KPNA6: variants seen among roughly 807,000 people sequenced by gnomAD.
KPNA6 encodes karyopherin subunit alpha 6.
A neutral mutation model predicts 72.0 loss-of-function variants in KPNA6; 9 were observed. The ratio of observed to expected loss-of-function variants is 0.13; its 90% CI spans 0.08 to 0.22. The LOEUF (loss-of-function observed/expected upper bound fraction) is 0.22, where lower values mean the gene tolerates loss of function less well. KPNA6 is among the 10% of genes least tolerant of loss of function. The pLI is 1.00. For synonymous variants in KPNA6, 219 were observed against 242.1 expected (o/e 0.90, Z 0.89); for missense variants, 374 against 655.7 (o/e 0.57, Z 4.69).
rs60616241 is a variant in KPNA6 at position 32,173,173 on chromosome 1, TAAA to T, written c.*2298_*2300del. 6,480 of 311,910 alleles carry T rather than the reference TAAA, an allele frequency of 0.021. No homozygotes were observed. The highest frequency in any genetic ancestry group is 0.025 in the Middle Eastern group (33 of 1,310). The allele number at this position is 311,910 out of a possible 1,614,324, so 19.3% of individuals were successfully genotyped here. ...ATTAAAAAACCATTCTCTTACAGTT[TAAA>T]AAAAAAAAAAAAAAAAAAGCCTTCC... is the stretch of plus-strand genomic sequence containing the variant. On this transcript the variant is annotated 3_prime_UTR_variant, in exon 14 of 14. Transcript: ENST00000373625.
At chr1:32,148,325 A>G (rs1037379817) in intron 1 of KPNA6, among the ~76,000 whole-genome samples, 2 of 151,594 alleles carry the variant, frequency 1.3e-5, no homozygotes, top group Admixed American at 6.6e-5. Flanking sequence ...TTTTTTTAGT[A>G]TAGACACAGG....
At position 32,170,951 on chromosome 1, in the gene KPNA6, G is replaced by T; in HGVS notation, c.*57G>T. ...AGCACCACCAGCCAGCGGAAGAGCA[G>T]CCCTCTGGTGGGCGGGAAACCAGTG... On this transcript the variant is annotated 3_prime_UTR_variant, in exon 14 of 14. Coordinates refer to ENST00000373625, the MANE Select transcript of KPNA6 (RefSeq NM_012316.5). 6.6e-7 allele frequency: 1 copy of T among 1,510,964 alleles called. No individual in the cohort carries two copies. Among genetic ancestry groups the T allele is most frequent in the Non-Finnish European group, 9.2e-7 (1 of 1,090,924 alleles). 93.6% of individuals were successfully genotyped at this position (1,510,964 alleles called of 1,614,324 possible).
At position 32,131,655 on chromosome 1, in the gene KPNA6, T is replaced by C. The variant is rs540211679; in HGVS notation, c.5-22933T>C. On this transcript the variant is annotated intron_variant, in intron 1 of 13. Coordinates refer to ENST00000373625, the MANE Select transcript of KPNA6 (RefSeq NM_012316.5). ...ACATATATGTATGTGTATATATATATACACACACAACAAAGGAGTTGTGTG... is the reference window on the plus strand; with the variant it reads ...ACATATATGTATGTGTATATATATACACACACACAACAAAGGAGTTGTGTG... 2.6e-4 allele frequency among the ~76,000 whole-genome samples: 39 copies of C among 151,398 alleles called. No individual in the cohort carries two copies. The East Asian group carries it at 4.3e-3, about 17-fold the overall frequency.
chr1:32,165,931 G>C (rs1407755618), intron 10 of KPNA6, among the ~76,000 whole-genome samples, 174 bp from the exon 11 acceptor site: 1 of 151,216 alleles, frequency 6.6e-6, no homozygotes, highest in African/African-American at 2.4e-5. Context: ...CTGGGAGGCG[G>C]AGGTTGCAGT....
Position 32,170,782 on chromosome 1 carries a change from A to G in KPNA6, c.1499A>G (p.His500Arg). The change falls in exon 14 of 14, where the codon CAC (histidine) becomes CGC (arginine). Residue 500 changes from histidine (H) to arginine (R), a missense_variant. This residue lies in a region of KPNA6 where 42 missense variants were observed against 49.8 expected (regional missense o/e 0.84). Transcript: ENST00000373625. Reference sequence around the variant, plus strand: ...CAGAAGGCCTTCGACCTCATTGAGCACTACTTTGGTGTAGAAGACGATGAT... The same window carrying G: ...CAGAAGGCCTTCGACCTCATTGAGCGCTACTTTGGTGTAGAAGACGATGAT... The part of the protein sequence containing the change: ...IYQKAFDLIE[H>R]YFGVEDDDSS... The G allele has an allele frequency of 4.3e-6, 7 of 1,614,194 alleles. No individual in the cohort carries two copies. Among genetic ancestry groups the G allele is most frequent in the Non-Finnish European group, 5.9e-6 (7 of 1,180,018 alleles).
intron 1 of KPNA6, among the ~76,000 whole-genome samples, chr1:32,128,363 A>G (rs1469241693): frequency 2.2e-5 from 3 of 137,454 alleles, no homozygotes; most frequent in African/African-American, 7.8e-5. Context: ...AGGAATATAT[A>G]TATTTTTTAT....
intron 1 of KPNA6, among the ~76,000 whole-genome samples, chr1:32,127,883 C>G (rs1278555969): frequency 2.0e-5 from 3 of 152,082 alleles, no homozygotes; most frequent in Non-Finnish European, 4.4e-5. Context: ...AGCTGTGAGT[C>G]TAAACTAAGT....
intron 1 of KPNA6, among the ~76,000 whole-genome samples, chr1:32,152,093 G>C (rs1456221794): frequency 6.6e-6 from 1 of 152,198 alleles, no homozygotes; most frequent in African/African-American, 2.4e-5. Flanking sequence ...ACTTTGGGAG[G>C]CTGAGGCAGG....
At chr1:32,135,089 CAG>C (rs1641710082) in intron 1 of KPNA6, among the ~76,000 whole-genome samples, 2 of 150,888 alleles carry the variant, frequency 1.3e-5, no homozygotes, top group South Asian at 2.1e-4. Context: ...TATTTACAGA[CAG>C]AGTTTCACTC....
chr1:32,152,457 T>C (rs1310037590), intron 1 of KPNA6, among the ~76,000 whole-genome samples: 1 of 152,198 alleles, frequency 6.6e-6, no homozygotes, highest in Admixed American at 6.5e-5. Context: ...CTTATGTAAA[T>C]TGAATAAATC....
rs1035849258 is a variant in KPNA6 at position 32,108,070 on chromosome 1, A to C, written c.-61A>C. ...ACAGATCCGCCATATTGTCTACTGA[A>C]AGCTGCCGCTGAAGCTGCCGCCGTT... On this transcript the variant is annotated 5_prime_UTR_variant, in exon 1 of 14. Coordinates refer to ENST00000373625, the MANE Select transcript of KPNA6 (RefSeq NM_012316.5). 31 of 1,613,220 alleles carry C rather than the reference A, an allele frequency of 1.9e-5. No individual in the cohort carries two copies. The highest frequency in any genetic ancestry group is 2.5e-5 in the Non-Finnish European group (30 of 1,179,542).
chr1:32,114,663 C>T (rs952653215), intron 1 of KPNA6, among the ~76,000 whole-genome samples: 1 of 152,198 alleles, frequency 6.6e-6, no homozygotes, highest in South Asian at 2.1e-4. Context: ...TCATTTGAAG[C>T]TTTGAAGCCA....
Position 32,166,121 on chromosome 1 carries a change from C to T in KPNA6, c.1007C>T (p.Ser336Leu). The T allele has an allele frequency of 6.2e-7, 1 of 1,613,594 alleles. No individual in the cohort carries two copies. Among genetic ancestry groups the T allele is most frequent in the Non-Finnish European group, 8.5e-7 (1 of 1,179,854 alleles). Reference protein sequence around the residue: ...DIQTQVILNCSALPCLLHLLS... With the variant: ...DIQTQVILNCLALPCLLHLLS... ...GTGTTCTAGGTCATTCTTAACTGTT[C>T]AGCCCTACCTTGCCTTCTCCACTTG... Residue 336 changes from serine (S) to leucine (L), a missense_variant, in exon 11 of 14, where the codon TCA (serine) becomes TTA (leucine). Transcript: ENST00000373625.
chr1:32,164,853 TTTATC>T (rs1167296064), intron 10 of KPNA6, among the ~76,000 whole-genome samples: 8 of 152,162 alleles, frequency 5.3e-5, no homozygotes, highest in Non-Finnish European at 1.2e-4. Flanking sequence ...GTTCTGTGGT[TTTATC>T]TTTTAACTTT....
chr1:32,110,279 G>A (rs1641223271), intron 1 of KPNA6, among the ~76,000 whole-genome samples: 1 of 151,752 alleles, frequency 6.6e-6, no homozygotes, highest in Non-Finnish European at 1.5e-5. Flanking sequence ...TGGCCAAGCT[G>A]GTCTCGAACT....
intron 7 of KPNA6, among the ~76,000 whole-genome samples, chr1:32,161,570 G>A (rs1449057949): frequency 6.6e-6 from 1 of 152,204 alleles, no homozygotes; most frequent in African/African-American, 2.4e-5. Context: ...AGCTCTCACA[G>A]TAGACCTATA....
chr1:32,158,466 C>T, intron 5 of KPNA6, 105 bp downstream of exon 5: 1 of 651,186 alleles, frequency 1.5e-6, no homozygotes, highest in South Asian at 2.0e-5. Context: ...CACAGGCATG[C>T]AATTTGAAAT....
At position 32,172,124 on chromosome 1, in the gene KPNA6, T is replaced by G. The variant is rs1253575019; in HGVS notation, c.*1230T>G. On this transcript the variant is annotated 3_prime_UTR_variant, in exon 14 of 14. Coordinates refer to ENST00000373625, the MANE Select transcript of KPNA6 (RefSeq NM_012316.5). ...CTCAAGAGGAAGAACTGTCTGTCAT[T>G]TCGGTAAGTAGGATACTGTGAGGAA... The G allele has an allele frequency of 2.0e-5, 3 of 152,112 alleles. No homozygotes were observed. The highest frequency in any genetic ancestry group is 4.4e-5 in the Non-Finnish European group (3 of 68,034). The allele number at this position is 152,112 out of a possible 1,614,324, so 9.4% of individuals were successfully genotyped here. A position where few individuals can be genotyped will look rare whatever the true frequency, so the allele number is the denominator to read the frequency against.
intron 4 of KPNA6, 100 bp downstream of exon 4, chr1:32,157,545 T>C (rs1642166040): frequency 5.0e-6 from 4 of 799,320 alleles, no homozygotes; most frequent in Non-Finnish European, 8.4e-6. Flanking sequence ...CATTCTGCTC[T>C]AGCCCTACTG....
Sources: allele counts gnomAD v4.1 joint callset (sites outside exome capture counted in the v4.1 genomes callset), GRCh38; gene constraint gnomAD v4.1.1; regional missense constraint gnomAD v4.1.1; transcripts MANE v1.5; gene names NCBI Gene and HGNC (gene_info 2026-07-23, HGNC 2026-07-21).